SHISA6: variants seen among roughly 807,000 people sequenced by gnomAD.
SHISA6 encodes protein shisa-6.
In SHISA6, 22 loss-of-function variants were observed where a neutral mutation model predicts 47.9. That is an observed-to-expected ratio of 0.46 (90% CI 0.33 to 0.66). SHISA6 has a LOEUF of 0.66. Among genes scored for constraint, SHISA6 ranks in the 30% least tolerant of loss-of-function variants. SHISA6 has a pLI of 0.02. For synonymous variants in SHISA6, 388 were observed against 337.8 expected (o/e 1.15, Z -1.63); for missense variants, 680 against 764.6 (o/e 0.89, Z 1.30).
At chr17:11,542,596 A>C (rs1322457667) in intron 3 of SHISA6, among the ~76,000 whole-genome samples, 1 of 152,198 alleles carries the variant, frequency 6.6e-6, no homozygotes, top group Non-Finnish European at 1.5e-5. Context: ...TCAGTATTCA[A>C]GACATCTTAT....
chr17:11,274,528 CACCAGGAGG>C (rs1385529969), intron 2 of SHISA6, among the ~76,000 whole-genome samples: 2 of 150,132 alleles, frequency 1.3e-5, no homozygotes, highest in African/African-American at 5.1e-5. Flanking sequence ...GTGGAGCTCT[CACCAGGAGG>C]GAGAGCCCAG....
chr17:11,399,112 A>G (rs1266706427), intron 3 of SHISA6, among the ~76,000 whole-genome samples: 1 of 152,194 alleles, frequency 6.6e-6, no homozygotes, highest in Non-Finnish European at 1.5e-5. Flanking sequence ...GCTAGGAATA[A>G]CAGTGGTAAT....
intron 3 of SHISA6, among the ~76,000 whole-genome samples, chr17:11,493,597 A>T (rs140368018): frequency 0.021 from 3,140 of 148,832 alleles, 69 homozygotes; most frequent in South Asian, 0.034. Flanking sequence ...ACACACACAC[A>T]TACACACACC....
chr17:11,441,097 A>C (rs754589134), intron 3 of SHISA6, among the ~76,000 whole-genome samples: 4 of 152,100 alleles, frequency 2.6e-5, no homozygotes, highest in Admixed American at 6.5e-5. Flanking sequence ...AACAAAAAAA[A>C]CCTTCTTCCC....
chr17:11,459,905 G>T (rs530586066), intron 3 of SHISA6, among the ~76,000 whole-genome samples: 220 of 152,196 alleles, frequency 1.4e-3, no homozygotes, highest in Non-Finnish European at 2.6e-3. Flanking sequence ...TTAATATCCA[G>T]CCCACTGATA....
At chr17:11,461,351 C>CGT (rs1433824344) in intron 3 of SHISA6, among the ~76,000 whole-genome samples, 2 of 141,180 alleles carry the variant, frequency 1.4e-5, no homozygotes, top group Admixed American at 7.6e-5. Context: ...GAGCTGAGAT[C>CGT]GTGCCACTGC....
chr17:11,556,310 C>A (rs1020654553), intron 5 of SHISA6, among the ~76,000 whole-genome samples: 3 of 152,166 alleles, frequency 2.0e-5, no homozygotes, highest in Non-Finnish European at 4.4e-5. Context: ...AAACCAGCTC[C>A]TTCTCCAACC....
At chr17:11,478,870 G>C (rs1916141888) in intron 3 of SHISA6, among the ~76,000 whole-genome samples, 1 of 146,468 alleles carries the variant, frequency 6.8e-6, no homozygotes, top group African/African-American at 2.6e-5. Context: ...CTCCAGCTTT[G>C]TTCTTTTGGC....
chr17:11,309,060 G>A (rs1252583224), intron 2 of SHISA6, among the ~76,000 whole-genome samples: 1 of 152,132 alleles, frequency 6.6e-6, no homozygotes, highest in Non-Finnish European at 1.5e-5. Flanking sequence ...AAACTCCTAG[G>A]CTCAAGCAAT....
chr17:11,401,000 T>C (rs1381831409), intron 3 of SHISA6, among the ~76,000 whole-genome samples: 1 of 152,230 alleles, frequency 6.6e-6, no homozygotes, highest in Non-Finnish European at 1.5e-5. Context: ...TGTTTGTTGC[T>C]TTATAATGTT....
At chr17:11,461,089 TA>T (rs1334186785) in intron 3 of SHISA6, among the ~76,000 whole-genome samples, 1 of 152,016 alleles carries the variant, frequency 6.6e-6, no homozygotes, top group Non-Finnish European at 1.5e-5. Context: ...GTATTTATAA[TA>T]AATATAAATA....
At chr17:11,527,382 T>C (rs1266619632) in intron 3 of SHISA6, among the ~76,000 whole-genome samples, 1 of 152,214 alleles carries the variant, frequency 6.6e-6, no homozygotes, top group Non-Finnish European at 1.5e-5. Flanking sequence ...TTTGTTTGGA[T>C]TGAAATATAG....
At chr17:11,247,333 C>T (rs1024476000) in intron 1 of SHISA6, among the ~76,000 whole-genome samples, 1 of 152,158 alleles carries the variant, frequency 6.6e-6, no homozygotes, top group African/African-American at 2.4e-5. Context: ...CAGGGGCTGG[C>T]AGATTGTATT....
intron 3 of SHISA6, among the ~76,000 whole-genome samples, chr17:11,434,239 T>G (rs1275832765): frequency 6.6e-6 from 1 of 152,046 alleles, no homozygotes; most frequent in African/African-American, 2.4e-5. Context: ...AGTTTTTGTA[T>G]TTTTAGTAGA....
In SHISA6 at chr17:11,550,069, T is replaced by TC. The variant is rs201028374; in HGVS notation, c.896-1827_896-1826insC. ...TAGTGTGCTTGACATTTTTTTTTTTTTCCGAGACGAAGTTTTGCTCTATCC... is the reference window on the plus strand; with the variant it reads ...TAGTGTGCTTGACATTTTTTTTTTTTCTCCGAGACGAAGTTTTGCTCTATCC... On this transcript the variant is annotated intron_variant, in intron 3 of 5. Coordinates refer to ENST00000441885, the MANE Select transcript of SHISA6 (RefSeq NM_207386.4). Among the ~76,000 whole-genome samples the TC allele has an allele frequency of 2.5e-3, 384 of 152,146 alleles. 7 individuals are homozygous for TC. The East Asian group carries it at 0.056, about 22-fold the overall frequency.
At chr17:11,535,302 C>T (rs886961078) in intron 3 of SHISA6, among the ~76,000 whole-genome samples, 5 of 152,148 alleles carry the variant, frequency 3.3e-5, no homozygotes, top group Admixed American at 6.5e-5. Context: ...CATTGCCCAA[C>T]TCCTGGTCTT....
At chr17:11,357,087 C>A (rs913856140) in intron 2 of SHISA6, among the ~76,000 whole-genome samples, 2 of 148,610 alleles carry the variant, frequency 1.3e-5, no homozygotes, top group African/African-American at 5.0e-5. Context: ...ACTAGGGAGG[C>A]TGAGGCAGGA....
intron 3 of SHISA6, among the ~76,000 whole-genome samples, chr17:11,468,365 T>C (rs1915859896): frequency 6.6e-6 from 1 of 151,880 alleles, no homozygotes; most frequent in Non-Finnish European, 1.5e-5. Context: ...GGTCCAGATT[T>C]TGTAAGCAAG....
chr17:11,404,069 T>C (rs994155896), intron 3 of SHISA6, among the ~76,000 whole-genome samples: 4 of 152,144 alleles, frequency 2.6e-5, no homozygotes, highest in Non-Finnish European at 1.5e-5. Flanking sequence ...AATTACACAT[T>C]TCAACTAAAG....
Sources: allele counts gnomAD v4.1 joint callset (sites outside exome capture counted in the v4.1 genomes callset), GRCh38; gene constraint gnomAD v4.1.1; transcripts MANE v1.5; gene names NCBI Gene and HGNC (gene_info 2026-07-23, HGNC 2026-07-21).